The following OR56A3 variants were observed in gnomAD, a reference collection of about 807,000 sequenced individuals.
The protein encoded by OR56A3 is olfactory receptor family 56 subfamily A member 3.
Under a neutral mutation model 17.5 loss-of-function variants are expected in OR56A3, and 23 were observed. The ratio of observed to expected loss-of-function variants is 1.32; its 90% CI spans 0.95 to 1.87. The LOEUF (loss-of-function observed/expected upper bound fraction) is 1.87. Among genes scored for constraint, OR56A3 ranks in the 40% most tolerant of loss-of-function variants. OR56A3 has a pLI of 0.00. For synonymous variants in OR56A3, 175 were observed against 150.6 expected (o/e 1.16, Z -1.19); for missense variants, 366 against 380.1 (o/e 0.96, Z 0.31).
At chr11:6,009,783 G>T in the OR56A3 span, among the ~76,000 whole-genome samples, 7 of 152,258 alleles carry the variant, frequency 4.6e-5, no homozygotes, top group African/African-American at 1.4e-4. Flanking sequence ...TGAATCTGAA[G>T]ATAATTCAGC....
In OR56A3 at chr11:5,948,614, T is replaced by G. The variant is rs1463274920; in HGVS notation, c.*320T>G. On this transcript the variant is annotated 3_prime_UTR_variant, in exon 3 of 3. Transcript: ENST00000641160. ...ACAACTCAATATGTCATGAATTTTG[T>G]ATCATTAAAAATACAACTGCGGTTA... The G allele has an allele frequency of 3.9e-6, 1 of 253,242 alleles. No individual in the cohort carries two copies. Among genetic ancestry groups the G allele is most frequent in the Non-Finnish European group, 7.6e-6 (1 of 131,740 alleles). 15.7% of individuals were successfully genotyped at this position (253,242 alleles called of 1,614,324 possible). A position where few individuals can be genotyped will look rare whatever the true frequency, so the allele number is the denominator to read the frequency against.
chr11:5,988,265 T>C, the OR56A3 span, among the ~76,000 whole-genome samples: 1 of 152,196 alleles, frequency 6.6e-6, no homozygotes, highest in Non-Finnish European at 1.5e-5. Flanking sequence ...TATTCATCCA[T>C]AACTTTCTGA....
At chr11:5,957,111 T>G in the OR56A3 span, among the ~76,000 whole-genome samples, 1 of 152,072 alleles carries the variant, frequency 6.6e-6, no homozygotes, top group Admixed American at 6.6e-5. Flanking sequence ...GATCGCACAA[T>G]TCCATTCCAG....
At chr11:5,986,140 C>T in the OR56A3 span, 2 of 1,613,794 alleles carry the variant, frequency 1.2e-6, no homozygotes, top group African/African-American at 2.7e-5. Context: ...CAGGATGACA[C>T]AAATATGAGA....
At chr11:5,966,230 C>T in the OR56A3 span, among the ~76,000 whole-genome samples, 1 of 144,956 alleles carries the variant, frequency 6.9e-6, no homozygotes, top group African/African-American at 2.6e-5. Context: ...AAAAAAAAAC[C>T]GGGCATGGTG....
chr11:5,950,251 G>A lies in OR56A3; in HGVS notation c.*1957G>A, dbSNP rs1847900041. 2 of 152,090 alleles carry A rather than the reference G, an allele frequency of 1.3e-5. No individual in the cohort carries two copies. The highest frequency in any genetic ancestry group is 6.5e-5 in the Admixed American group (1 of 15,268). The allele number at this position is 152,090 out of a possible 1,614,324, so 9.4% of individuals were successfully genotyped here. A position where few individuals can be genotyped will look rare whatever the true frequency, so the allele number is the denominator to read the frequency against. ...TGACAAATCCAGATGTCTACAGTAA[G>A]CTGTTAGAAGATAACCTTGGGTGCC... On this transcript the variant is annotated 3_prime_UTR_variant, in exon 3 of 3. Transcript: ENST00000641160.
intron 2 of OR56A3, among the ~76,000 whole-genome samples, 151 bp downstream of exon 2, chr11:5,945,233 G>A (rs1239428567): frequency 6.6e-6 from 1 of 152,132 alleles, no homozygotes; most frequent in South Asian, 2.1e-4. Context: ...GGTAAAGTTT[G>A]TTTTCTTTTT....
chr11:5,997,576 C>T, the OR56A3 span, among the ~76,000 whole-genome samples: 2 of 151,990 alleles, frequency 1.3e-5, no homozygotes, highest in Non-Finnish European at 2.9e-5. Flanking sequence ...GTAGAAAACA[C>T]AGAAGATAAA....
chr11:5,984,770 A>G, the OR56A3 span, among the ~76,000 whole-genome samples: 2 of 152,352 alleles, frequency 1.3e-5, no homozygotes, highest in South Asian at 4.1e-4. Context: ...TACTAAGAAA[A>G]GAAAAACTAG....
chr11:6,018,778 C>T, the OR56A3 span, among the ~76,000 whole-genome samples: 1 of 151,504 alleles, frequency 6.6e-6, no homozygotes, highest in African/African-American at 2.4e-5. Context: ...ATTGATAAAC[C>T]TCTAGCTAGA....
the OR56A3 span, chr11:5,968,403 GACA>G: frequency 6.2e-7 from 1 of 1,611,744 alleles, no homozygotes; most frequent in South Asian, 1.1e-5. Context: ...GAGGGGCAGA[GACA>G]GCCAGTGCTG....
the OR56A3 span, chr11:5,994,348 G>A: frequency 4.4e-6 from 3 of 685,950 alleles, no homozygotes; most frequent in East Asian, 9.0e-5. Context: ...TCCTCAATCT[G>A]CTGAGACCAG....
At chr11:6,005,019 A>G in the OR56A3 span, among the ~76,000 whole-genome samples, 10 of 152,204 alleles carry the variant, frequency 6.6e-5, no homozygotes, top group Non-Finnish European at 1.5e-4. Flanking sequence ...AATATTTCAC[A>G]TAATGAAGCA....
the OR56A3 span, among the ~76,000 whole-genome samples, chr11:6,003,856 T>C: frequency 6.6e-6 from 1 of 152,332 alleles, no homozygotes; most frequent in East Asian, 1.9e-4. Flanking sequence ...AGAACCCACT[T>C]ACCTGGTAAG....
At chr11:5,961,539 C>CAGAAACACCCAAGAATGATCAATAAA in the OR56A3 span, among the ~76,000 whole-genome samples, 2 of 151,996 alleles carry the variant, frequency 1.3e-5, no homozygotes, top group African/African-American at 4.8e-5. Flanking sequence ...TAAACAGATG[C>CAGAAACACCCAAGAATGATCAATAAA]TTGAAGGCAG....
the OR56A3 span, among the ~76,000 whole-genome samples, chr11:5,962,774 A>G: frequency 6.6e-6 from 1 of 151,968 alleles, no homozygotes; most frequent in Admixed American, 6.6e-5. Context: ...TCCTGACCTC[A>G]TGATTCACCC....
At chr11:5,957,961 T>A in the OR56A3 span, among the ~76,000 whole-genome samples, 5 of 152,124 alleles carry the variant, frequency 3.3e-5, no homozygotes, top group Admixed American at 3.3e-4. Context: ...GTGGCCAATG[T>A]GGACAACCTT....
chr11:5,979,721 G>T, the OR56A3 span, among the ~76,000 whole-genome samples: 1 of 151,062 alleles, frequency 6.6e-6, no homozygotes, highest in Non-Finnish European at 1.5e-5. Context: ...CTCTGGTTTT[G>T]GTTATTTGTT....
At chr11:6,000,287 A>G in the OR56A3 span, 1 of 152,248 alleles carries the variant, frequency 6.6e-6, no homozygotes, top group Non-Finnish European at 1.5e-5. Context: ...GCAGCCATAA[A>G]AAATGATGAG....
Sources: gnomAD v4.1 joint callset for allele counts (sites outside exome capture counted in the v4.1 genomes callset) on GRCh38, gnomAD v4.1.1 for gene constraint, MANE v1.5 for transcripts, NCBI Gene and HGNC (gene_info 2026-07-23, HGNC 2026-07-21) for gene names.